The following TFPT variants were observed in gnomAD, a reference collection of about 807,000 sequenced individuals.
The protein encoded by TFPT is TCF3 fusion partner, also known as INO80 complex subunit F.
TFPT carries 27 observed loss-of-function variants against 28.8 expected under a neutral mutation model. The ratio of observed to expected loss-of-function variants is 0.94; its 90% CI spans 0.69 to 1.29. The LOEUF is 1.29. Ranked by LOEUF, TFPT falls within the 50% of genes most tolerant of loss-of-function variation. TFPT has a pLI of 0.00. For synonymous variants in TFPT, 152 were observed against 142.8 expected, an observed-to-expected ratio of 1.06 and a Z score of -0.46; for missense variants, 330 against 338.0, an observed-to-expected ratio of 0.98 and a Z score of 0.19.
Position 54,114,464 on chromosome 19 carries a change from C to T in TFPT, c.260G>A (p.Arg87Gln), listed in dbSNP as rs1389639177. 6.2e-7 allele frequency: 1 copy of T among 1,613,346 alleles called. No homozygotes were observed. Among genetic ancestry groups the T allele is most frequent in the Non-Finnish European group, 8.5e-7 (1 of 1,179,854 alleles). The change falls in exon 2 of 6, where the codon CGG (arginine) becomes CAG (glutamine). Residue 87 changes from arginine (R) to glutamine (Q), a missense_variant. Arg to Gln is a conservative substitution (Grantham distance 43, BLOSUM62 1). Transcript: ENST00000391759. ...TACCTGCTCGATCTCCCGGCAGCGCCGACCTAGTGCCTGGTACTTTCTGCG... is the reference window on the plus strand; with the variant it reads ...TACCTGCTCGATCTCCCGGCAGCGCTGACCTAGTGCCTGGTACTTTCTGCG... ...LNRRKYQALG[R>Q]RCREIEQVNE...
At chr19:54,115,174 CAT>C in intron 1 of TFPT, 71 bp downstream of exon 1, 2 of 1,608,988 alleles carry the variant, frequency 1.2e-6, no homozygotes, top group Non-Finnish European at 1.7e-6. Flanking sequence ...CGTAAAAGCT[CAT>C]ATGGTTGCAC....
At chr19:54,114,201 G>C (rs1459748361) in intron 2 of TFPT, among the ~76,000 whole-genome samples, 2 of 152,206 alleles carry the variant, frequency 1.3e-5, no homozygotes, top group Non-Finnish European at 2.9e-5. Flanking sequence ...GCATTGAGAG[G>C]CCCCCGGGAG....
At chr19:54,109,235 G>A (rs764822316) in intron 3 of TFPT, 8 of 154,496 alleles carry the variant, frequency 5.2e-5, no homozygotes, top group Non-Finnish European at 7.2e-5. Flanking sequence ...TGTGGCCAGC[G>A]GCTACCGTGC....
intron 2 of TFPT, among the ~76,000 whole-genome samples, chr19:54,111,170 A>G (rs2146361690): frequency 6.6e-6 from 1 of 152,298 alleles, no homozygotes; most frequent in South Asian, 2.1e-4. Flanking sequence ...CAGCCTAGAC[A>G]TGGAGGGAGA....
intron 2 of TFPT, among the ~76,000 whole-genome samples, chr19:54,112,042 CACTTTGAGAGGCCAGG>C (rs1288421021): frequency 2.0e-5 from 3 of 152,032 alleles, no homozygotes; most frequent in Non-Finnish European, 4.4e-5. Flanking sequence ...ATAATCCCAG[CACTTTGAGAGGCCAGG>C]AGTTCGACAC....
chr19:54,112,057 G>A (rs1405695067), intron 2 of TFPT, among the ~76,000 whole-genome samples: 1 of 152,042 alleles, frequency 6.6e-6, no homozygotes, highest in Non-Finnish European at 1.5e-5. Context: ...TGAGAGGCCA[G>A]GAGTTCGACA....
At chr19:54,109,149 C>T (rs928021443) in intron 3 of TFPT, 1 of 157,038 alleles carries the variant, frequency 6.4e-6, no homozygotes, top group African/African-American at 2.4e-5. Context: ...CCTGCCTCGG[C>T]CTCCCAAAGT....
intron 1 of TFPT, 132 bp downstream of exon 1, chr19:54,115,115 G>A: frequency 7.2e-7 from 1 of 1,394,384 alleles, no homozygotes; most frequent in South Asian, 1.2e-5. Flanking sequence ...CCATAAAAGG[G>A]TTCTAAGGTA....
intron 3 of TFPT, chr19:54,108,767 A>T: frequency 1.4e-6 from 1 of 690,168 alleles, no homozygotes; most frequent in Non-Finnish European, 2.4e-6. Flanking sequence ...AGAGGGGAGT[A>T]CAGAACGCTC....
chr19:54,114,916 G>C, intron 1 of TFPT: 1 of 725,690 alleles, frequency 1.4e-6, no homozygotes, highest in South Asian at 2.0e-5. Context: ...GCACCCACAG[G>C]GTTCAAGCCC....
chr19:54,113,093 CAAAAAAAAAA>C (rs139440012), intron 2 of TFPT, among the ~76,000 whole-genome samples: 2 of 58,560 alleles, frequency 3.4e-5, no homozygotes, highest in Non-Finnish European at 5.8e-5. Context: ...GACTCCACCT[CAAAAAAAAAA>C]AAAAAAAAAA....
At chr19:54,107,537 C>T (rs779824943) in intron 5 of TFPT, 39 of 302,144 alleles carry the variant, frequency 1.3e-4, no homozygotes, top group Non-Finnish European at 2.2e-4. Context: ...GCATGAGCCA[C>T]TGCACCTGGC....
intron 2 of TFPT, among the ~76,000 whole-genome samples, chr19:54,113,826 C>T (rs587761037): frequency 5.9e-5 from 9 of 152,212 alleles, no homozygotes; most frequent in Non-Finnish European, 8.8e-5. Context: ...CTAGTAGCTG[C>T]GACTACAGGT....
Position 54,115,334 on chromosome 19 carries a change from G to A in TFPT, c.-65C>T, listed in dbSNP as rs377711829. The A allele has an allele frequency of 2.0e-5, 32 of 1,611,468 alleles. No individual in the cohort carries two copies. Among genetic ancestry groups the A allele is most frequent in the African/African-American group, 8.0e-5 (6 of 74,892 alleles). On this transcript the variant is annotated 5_prime_UTR_variant, in exon 1 of 6. The change creates a new upstream start codon in the 5' untranslated region. Transcript: ENST00000391759. ...ACCTCTTCAATCTGTAGGTTAAGCC[G>A]TTCGCAAAACTACTTGTCCCATCAG... is the stretch of plus-strand genomic sequence containing the variant.
At chr19:54,114,363 C>T (rs1187440001) in intron 2 of TFPT, 79 bp downstream of exon 2, 4 of 1,537,284 alleles carry the variant, frequency 2.6e-6, no homozygotes, top group South Asian at 2.5e-5. Flanking sequence ...AAAGGCTGGG[C>T]ATGTGGAAAG....
At position 54,108,142 on chromosome 19, in the gene TFPT, G is replaced by A; in HGVS notation, c.526C>T (p.Pro176Ser). The change falls in exon 5 of 6, where the codon CCA (proline) becomes TCA (serine). Residue 176 changes from proline (P) to serine (S), a missense_variant. Coordinates refer to ENST00000391759, the MANE Select transcript of TFPT (RefSeq NM_013342.4). ...LSPPRRTPAP[P>S]EPGSPAPGEG... Reference sequence around the variant, plus strand: ...CCGGGGGCTGGGCTGCCGGGTTCTGGGGGTGCAGGAGTCCTTCTGGGCGGG... The same window carrying A: ...CCGGGGGCTGGGCTGCCGGGTTCTGAGGGTGCAGGAGTCCTTCTGGGCGGG... The A allele has an allele frequency of 6.3e-7, 1 of 1,584,894 alleles. No individual in the cohort carries two copies. The highest frequency in any genetic ancestry group is 8.6e-7 in the Non-Finnish European group (1 of 1,164,046).
At chr19:54,107,355 C>T in intron 5 of TFPT, 186 bp from the exon 6 acceptor site, 1 of 720,988 alleles carries the variant, frequency 1.4e-6, no homozygotes, top group Non-Finnish European at 2.2e-6. Context: ...CTCAAGTGAT[C>T]CTCCCACCTC....
chr19:54,107,295 C>T, intron 5 of TFPT, 126 bp from the exon 6 acceptor site: 1 of 1,329,028 alleles, frequency 7.5e-7, no homozygotes, highest in Non-Finnish European at 1.0e-6. Flanking sequence ...GTTGCCCAGG[C>T]TGGAGTGCAG....
rs377239639 is a variant in TFPT at position 54,108,119 on chromosome 19, G to T, written c.549C>A (p.Pro183=). ...TCTTCCGCCCACTGGGCCCCTCACCGGGGGCTGGGCTGCCGGGTTCTGGGG... is the reference window on the plus strand; with the variant it reads ...TCTTCCGCCCACTGGGCCCCTCACCTGGGGCTGGGCTGCCGGGTTCTGGGG... The part of the protein sequence containing the change: ...PAPPEPGSPA[P]GEGPSGRKRR... Residue 183 remains proline (P), a synonymous_variant, in exon 5 of 6, where the codon CCC becomes CCA. Coordinates refer to ENST00000391759, the MANE Select transcript of TFPT (RefSeq NM_013342.4). 19 of 1,575,430 alleles carry T rather than the reference G, an allele frequency of 1.2e-5. No individual in the cohort carries two copies. In the Admixed American group the frequency reaches 3.5e-4, roughly 29 times the overall value.
Sources: allele counts gnomAD v4.1 joint callset (sites outside exome capture counted in the v4.1 genomes callset), GRCh38; gene constraint gnomAD v4.1.1; transcripts MANE v1.5; gene names NCBI Gene and HGNC (gene_info 2026-07-23, HGNC 2026-07-21).